LMNTD1: variants seen among roughly 807,000 people sequenced by gnomAD.
LMNTD1 encodes the protein lamin tail domain-containing protein 1.
Under a neutral mutation model 50.9 loss-of-function variants are expected in LMNTD1, and 35 were observed. That is an observed-to-expected ratio of 0.69 (90% CI 0.53 to 0.91). The LOEUF is 0.91. Ranked by LOEUF, LMNTD1 falls within the 40% of genes least tolerant of loss-of-function variation. The probability of loss-of-function intolerance (pLI) is 0.00; values close to 1 mark genes in which losing one functional copy is unlikely to be tolerated. For missense variants in LMNTD1, 470 were observed against 475.5 expected, an observed-to-expected ratio of 0.99 and a Z score of 0.11; for synonymous variants, 153 against 161.9, an observed-to-expected ratio of 0.94 and a Z score of 0.42.
At chr12:25,573,904 G>A (rs1301138881) in intron 1 of LMNTD1, among the ~76,000 whole-genome samples, 2 of 152,058 alleles carry the variant, frequency 1.3e-5, no homozygotes, top group Non-Finnish European at 2.9e-5. Flanking sequence ...GCCTCACCCT[G>A]CCCTAGATAT....
intron 1 of LMNTD1, among the ~76,000 whole-genome samples, chr12:25,575,417 G>A (rs968130530): frequency 3.9e-5 from 6 of 152,122 alleles, no homozygotes; most frequent in Non-Finnish European, 5.9e-5. Context: ...GGAAATAAAT[G>A]CTTCCATAAG....
intron 1 of LMNTD1, among the ~76,000 whole-genome samples, chr12:25,571,592 T>C (rs1346319424): frequency 6.6e-6 from 1 of 152,138 alleles, no homozygotes; most frequent in East Asian, 1.9e-4. Flanking sequence ...CTCGATCTCC[T>C]GACCTCGTGA....
chr12:25,507,154 G>C (rs536844882), intron 8 of LMNTD1, among the ~76,000 whole-genome samples: 2 of 152,144 alleles, frequency 1.3e-5, no homozygotes, highest in African/African-American at 4.8e-5. Context: ...GGGATTACAG[G>C]TGTGAGCTAC....
intron 1 of LMNTD1, chr12:25,648,426 TA>T: frequency 7.8e-7 from 1 of 1,284,772 alleles, no homozygotes; most frequent in Non-Finnish European, 1.1e-6. Context: ...GGTGTTAGTA[TA>T]AAAAGGAAAT....
At chr12:25,500,693 G>T (rs1281686167) in intron 9 of LMNTD1, among the ~76,000 whole-genome samples, 1 of 152,008 alleles carries the variant, frequency 6.6e-6, no homozygotes, top group Non-Finnish European at 1.5e-5. Flanking sequence ...GTATTTCCTA[G>T]CAAGTCTAAA....
chr12:25,528,789 A>T (rs12581488), intron 4 of LMNTD1, among the ~76,000 whole-genome samples: 1 of 151,934 alleles, frequency 6.6e-6, no homozygotes, highest in Non-Finnish European at 1.5e-5. Flanking sequence ...TCAGCAACTC[A>T]GTACCCTCAT....
chr12:25,519,969 C>G lies in LMNTD1; in HGVS notation c.905G>C (p.Arg302Pro), dbSNP rs753009168. 2.3e-5 allele frequency: 37 copies of G among 1,613,088 alleles called. No homozygotes were observed. The highest frequency in any genetic ancestry group is 2.6e-5 in the Non-Finnish European group (31 of 1,179,480). Residue 302 changes from arginine to proline, a missense_variant, in exon 7 of 10, where the codon CGT becomes CCT. Coordinates refer to ENST00000458174, the MANE Select transcript of LMNTD1 (RefSeq NM_001145728.2). ...CSVVSPTFRK[R>P]VFQWTASTAT... ...TGTAGATGCTGTCCACTGAAACACACGCTTTCGGAATGTTGGAGATACTAC... is the reference window on the plus strand; with the variant it reads ...TGTAGATGCTGTCCACTGAAACACAGGCTTTCGGAATGTTGGAGATACTAC...
At chr12:25,648,420 T>C in intron 1 of LMNTD1, 1 of 1,167,154 alleles carries the variant, frequency 8.6e-7, no homozygotes, top group African/African-American at 1.5e-5. Flanking sequence ...GTGTCAGGTG[T>C]TAGTATAAAA....
At chr12:25,500,975 TTTTGTCTG>T (rs1591832214) in intron 9 of LMNTD1, among the ~76,000 whole-genome samples, 1 of 119,608 alleles carries the variant, frequency 8.4e-6, no homozygotes, top group Non-Finnish European at 2.1e-5. Context: ...TGAACTTTGT[TTTTGTCTG>T]TTTGTTTGTT....
At position 25,561,017 on chromosome 12, in the gene LMNTD1, C is replaced by G. The variant is rs150150503; in HGVS notation, c.59-14463G>C. On this transcript the variant is annotated intron_variant, in intron 1 of 7. Transcript: ENST00000445693. ...ACTTTCTCTTTTCCTAATTGAATAC[C>G]CTTTTTTTCTTTCTCTTGCCCGATT... Among the ~76,000 whole-genome samples, 439 of 152,256 alleles carry G rather than the reference C, an allele frequency of 2.9e-3. 2 individuals carry two copies. Among genetic ancestry groups the G allele is most frequent in the African/African-American group, 9.9e-3 (410 of 41,552 alleles).
chr12:25,567,951 C>T (rs578042202), intron 1 of LMNTD1, among the ~76,000 whole-genome samples: 7 of 152,086 alleles, frequency 4.6e-5, no homozygotes, highest in African/African-American at 7.2e-5. Flanking sequence ...TACCTGAAAA[C>T]GTAGAAGCAA....
intron 3 of LMNTD1, among the ~76,000 whole-genome samples, chr12:25,548,928 T>C (rs1943590925): frequency 6.6e-6 from 1 of 152,012 alleles, no homozygotes; most frequent in Non-Finnish European, 1.5e-5. Context: ...ACTTAAGCCA[T>C]ACATCTCGTA....
At chr12:25,507,453 A>G (rs745395818) in intron 8 of LMNTD1, among the ~76,000 whole-genome samples, 86 of 152,366 alleles carry the variant, frequency 5.6e-4, no homozygotes, top group Non-Finnish European at 9.3e-4. Context: ...TCTGGCTCAG[A>G]CACAGATCCA....
intron 1 of LMNTD1, among the ~76,000 whole-genome samples, chr12:25,606,745 T>A (rs1270553252): frequency 6.6e-6 from 1 of 152,360 alleles, no homozygotes; most frequent in East Asian, 1.9e-4. Flanking sequence ...AGTATTTTAT[T>A]GAGGATTTTT....
intron 4 of LMNTD1, among the ~76,000 whole-genome samples, chr12:25,543,815 T>C (rs1179165895): frequency 2.6e-5 from 4 of 151,960 alleles, no homozygotes; most frequent in Non-Finnish European, 5.9e-5. Flanking sequence ...AAGACATTTT[T>C]AAATTTTCTT....
chr12:25,648,365 A>G, intron 1 of LMNTD1: 1 of 699,434 alleles, frequency 1.4e-6, no homozygotes, highest in Non-Finnish European at 2.5e-6. Flanking sequence ...TATGAAAAAA[A>G]TTGTTCTTAT....
chr12:25,586,772 C>G (rs1307870182), intron 1 of LMNTD1, among the ~76,000 whole-genome samples: 2 of 152,196 alleles, frequency 1.3e-5, no homozygotes, highest in African/African-American at 4.8e-5. Flanking sequence ...GATCTCTGGA[C>G]TAGCTTTTTA....
intron 8 of LMNTD1, among the ~76,000 whole-genome samples, chr12:25,512,189 T>C (rs918566356): frequency 5.9e-5 from 9 of 152,242 alleles, no homozygotes; most frequent in African/African-American, 1.9e-4. Context: ...GCTTTGGTTA[T>C]ATAGGTTTGA....
intron 9 of LMNTD1, chr12:25,499,743 A>AC (rs1381867807): frequency 4.6e-5 from 7 of 152,038 alleles, no homozygotes; most frequent in South Asian, 2.1e-4. Context: ...ATAGAAAAAA[A>AC]AAAAAACAAA....
Sources: allele counts gnomAD v4.1 joint callset (sites outside exome capture counted in the v4.1 genomes callset), GRCh38; gene constraint gnomAD v4.1.1; transcripts MANE v1.5; gene names NCBI Gene and HGNC (gene_info 2026-07-23, HGNC 2026-07-21).